ANK1: variants seen among roughly 807,000 people sequenced by gnomAD.
ANK1 encodes the protein ankyrin-1.
A neutral mutation model predicts 210.4 loss-of-function variants in ANK1; 51 were observed. That is an observed-to-expected ratio of 0.24 (90% CI 0.19 to 0.31). The LOEUF (loss-of-function observed/expected upper bound fraction) is 0.31, where lower values mean the gene tolerates loss of function less well. Ranked by LOEUF, ANK1 falls within the 10% of genes least tolerant of loss-of-function variation. The pLI is 1.00. For missense variants in ANK1, 2,051 were observed against 2,504.4 expected (o/e 0.82, Z 3.86); for synonymous variants, 967 against 1,025.9 (o/e 0.94, Z 1.10).
chr8:41,808,742 C>G (rs1368188704), intron 1 of ANK1, among the ~76,000 whole-genome samples: 2 of 152,148 alleles, frequency 1.3e-5, no homozygotes, highest in South Asian at 2.1e-4. Flanking sequence ...CCTACTGCTG[C>G]ACACAGATGC....
In ANK1 at chr8:41,696,691, C is replaced by G; in HGVS notation, c.2720G>C (p.Ser907Thr). 5.6e-6 allele frequency: 9 copies of G among 1,603,744 alleles called. No individual in the cohort carries two copies. Among genetic ancestry groups the G allele is most frequent in the Non-Finnish European group, 7.6e-6 (9 of 1,179,920 alleles). Residue 907 changes from serine (S) to threonine (T), a missense_variant, in exon 25 of 43, where the codon AGC becomes ACC. This residue lies in a region of ANK1 where 1,413 missense variants were observed against 1,707.4 expected (regional missense o/e 0.83). Transcript: ENST00000289734. ...CGCCACTCACCCTGTATGCACCGGG[C>G]TGGCCACCGGGCTGATGTTGTCTGA... is the stretch of plus-strand genomic sequence containing the variant. The part of the protein sequence containing the change: ...ETSDNISPVA[S>T]PVHTGFLVSF...
chr8:41,820,717 G>A (rs1386619953), intron 1 of ANK1, among the ~76,000 whole-genome samples: 1 of 152,072 alleles, frequency 6.6e-6, no homozygotes, highest in East Asian at 1.9e-4. Flanking sequence ...GCTGGGATAG[G>A]AATTAAATTG....
Position 41,655,394 on chromosome 8 carries a change from TA to T in ANK1, c.*395del, listed in dbSNP as rs1302459225. The T allele has an allele frequency of 1.6e-3, 434 of 272,932 alleles. No homozygotes were observed. The highest frequency in any genetic ancestry group is 2.4e-3 in the East Asian group (37 of 15,114). The allele number at this position is 272,932 out of a possible 1,614,324, so 16.9% of individuals were successfully genotyped here. On this transcript the variant is annotated 3_prime_UTR_variant, in exon 43 of 43. Transcript: ENST00000289734. Reference sequence around the variant, plus strand: ...TACCCTGTACGAAGTCAAAACAATTTAAAAAAAAAACCCCAAAACCAAAACC... The same window carrying T: ...TACCCTGTACGAAGTCAAAACAATTTAAAAAAAAACCCCAAAACCAAAACC...
chr8:41,729,862 G>A (rs1831670588), intron 3 of ANK1, among the ~76,000 whole-genome samples: 1 of 152,116 alleles, frequency 6.6e-6, no homozygotes, highest in African/African-American at 2.4e-5. Context: ...CTGCACCTGA[G>A]CCCCCATTCA....
chr8:41,692,798 C>T lies in ANK1; in HGVS notation c.3708G>A (p.Val1236=). The part of the protein sequence containing the change: ...ATLLYKELTA[V]PYMAKFVIFA... ...AGATGACGAATTTGGCCATGTAGGG[C>T]ACTGCAGTGAGCTCTTTGTACAGCA... is the stretch of plus-strand genomic sequence containing the variant. The change falls in exon 31 of 43, where the codon GTG becomes GTA. Residue 1236 remains valine, a synonymous_variant. Coordinates refer to ENST00000289734, the MANE Select transcript of ANK1 (RefSeq NM_000037.4). 1 of 1,614,178 alleles carries T rather than the reference C, an allele frequency of 6.2e-7. No homozygotes were observed. Among genetic ancestry groups the T allele is most frequent in the Non-Finnish European group, 8.5e-7 (1 of 1,180,040 alleles).
intron 1 of ANK1, among the ~76,000 whole-genome samples, chr8:41,766,605 C>G (rs1367501384): frequency 1.3e-5 from 2 of 152,182 alleles, no homozygotes; most frequent in Non-Finnish European, 2.9e-5. Context: ...TGTCTGCACC[C>G]GACCCTGGAG....
chr8:41,661,610 G>A (rs757575855), intron 41 of ANK1, 46 bp from the exon 42 acceptor site: 19 of 1,611,810 alleles, frequency 1.2e-5, no homozygotes, highest in East Asian at 8.9e-5. Context: ...TCGCAAAGAC[G>A]GGCAGAACAC....
At chr8:41,680,847 A>G (rs1357686877) in intron 37 of ANK1, among the ~76,000 whole-genome samples, 1 of 152,212 alleles carries the variant, frequency 6.6e-6, no homozygotes, top group African/African-American at 2.4e-5. Flanking sequence ...GGACCAGACC[A>G]TAGGCAGATC....
intron 1 of ANK1, among the ~76,000 whole-genome samples, chr8:41,844,392 C>T (rs973228640): frequency 2.6e-5 from 4 of 152,154 alleles, no homozygotes; most frequent in South Asian, 2.1e-4. Flanking sequence ...CTGTACCTCT[C>T]GGCCCAGGAC....
At chr8:41,818,637 CT>C (rs923031814) in intron 1 of ANK1, among the ~76,000 whole-genome samples, 5 of 150,070 alleles carry the variant, frequency 3.3e-5, no homozygotes, top group Non-Finnish European at 5.9e-5. Context: ...CTTTTTCTTT[CT>C]TCTTTCTTTC....
At position 41,716,936 on chromosome 8, in the gene ANK1, C is replaced by G; in HGVS notation, c.1404+17G>C. 1 of 1,612,670 alleles carries G rather than the reference C, an allele frequency of 6.2e-7. No individual in the cohort carries two copies. Among genetic ancestry groups the G allele is most frequent in the Non-Finnish European group, 8.5e-7 (1 of 1,179,184 alleles). ...GCTCACATCTGAAACCCTTCCCTTC[C>G]TGCCTTCACTACTCACCTTGGCCTT... On this transcript the variant is annotated intron_variant, in intron 13 of 42. Coordinates refer to ENST00000289734, the MANE Select transcript of ANK1 (RefSeq NM_000037.4).
At chr8:41,661,090 G>T in intron 42 of ANK1, 1 of 352,386 alleles carries the variant, frequency 2.8e-6, no homozygotes. Flanking sequence ...TGCCCAGGCT[G>T]GTCTTGAACT....
At position 41,763,898 on chromosome 8, in the gene ANK1, T is replaced by TC. The variant is rs1156470419; in HGVS notation, c.28-5762_28-5761insG. On this transcript the variant is annotated intron_variant, in intron 1 of 42. Coordinates refer to ENST00000289734, the MANE Select transcript of ANK1 (RefSeq NM_000037.4). ...CTTTTTTTCTTTTTTTCTTTTTTTT[T>TC]TTTTTTTTTTTTTTTTGGGCTTCTC... Among the ~76,000 whole-genome samples the TC allele has an allele frequency of 8.2e-4, 102 of 123,682 alleles. 1 individual carries two copies. The East Asian group carries it at 0.019, about 23-fold the overall frequency. 81.1% of individuals were successfully genotyped at this position (123,682 alleles called of 152,430 possible). A position where few individuals can be genotyped will look rare whatever the true frequency, so the allele number is the denominator to read the frequency against.
chr8:41,820,848 T>TA (rs1232716532), intron 1 of ANK1, among the ~76,000 whole-genome samples: 3 of 152,150 alleles, frequency 2.0e-5, no homozygotes, highest in Non-Finnish European at 1.5e-5. Context: ...CATCCTGAGC[T>TA]ACACAAAGGA....
intron 1 of ANK1, among the ~76,000 whole-genome samples, chr8:41,822,543 A>C (rs1216734094): frequency 1.3e-5 from 2 of 152,248 alleles, no homozygotes; most frequent in Non-Finnish European, 2.9e-5. Flanking sequence ...TGTACCATAT[A>C]AAACATACAA....
chr8:41,840,759 G>A (rs932345822), intron 1 of ANK1, among the ~76,000 whole-genome samples: 3 of 152,244 alleles, frequency 2.0e-5, no homozygotes, highest in Admixed American at 1.3e-4. Flanking sequence ...TGGATTGGGA[G>A]CAGGGACCCA....
At chr8:41,875,789 C>A (rs1271518090) in intron 1 of ANK1, among the ~76,000 whole-genome samples, 3 of 152,196 alleles carry the variant, frequency 2.0e-5, no homozygotes, top group African/African-American at 7.2e-5. Context: ...CCCCGGACAG[C>A]CACATCTTGC....
chr8:41,655,848 G>T, intron 42 of ANK1, 95 bp from the exon 43 acceptor site: 1 of 1,406,928 alleles, frequency 7.1e-7, no homozygotes, highest in Non-Finnish European at 1.0e-6. Flanking sequence ...GGCAGCTCAG[G>T]CCGAATCTGA....
intron 1 of ANK1, among the ~76,000 whole-genome samples, chr8:41,849,479 A>T (rs1477582351): frequency 4.6e-5 from 7 of 151,996 alleles, no homozygotes; most frequent in Admixed American, 3.9e-4. Context: ...AGCTGAGATC[A>T]CACCATTGTA....
Sources: allele counts gnomAD v4.1 joint callset (sites outside exome capture counted in the v4.1 genomes callset), GRCh38; gene constraint gnomAD v4.1.1; regional missense constraint gnomAD v4.1.1; transcripts MANE v1.5; gene names NCBI Gene and HGNC (gene_info 2026-07-23, HGNC 2026-07-21).